CARMIL1: variants seen among roughly 807,000 people sequenced by gnomAD.
The protein encoded by CARMIL1 is F-actin-uncapping protein LRRC16A.
In CARMIL1, 90 loss-of-function variants were observed where a neutral mutation model predicts 177.1. That is an observed-to-expected ratio of 0.51 (90% confidence interval 0.43 to 0.61). The LOEUF is 0.61. Among genes scored for constraint, CARMIL1 ranks in the 20% least tolerant of loss-of-function variants. The pLI is 0.00. For missense variants in CARMIL1, 1,380 were observed against 1,667.0 expected, an observed-to-expected ratio of 0.83 and a Z score of 3.00; for synonymous variants, 577 against 606.2, an observed-to-expected ratio of 0.95 and a Z score of 0.71.
At chr6:25,292,266 T>C (rs140914249) in intron 2 of CARMIL1, among the ~76,000 whole-genome samples, 28 of 152,310 alleles carry the variant, frequency 1.8e-4, no homozygotes, top group African/African-American at 6.5e-4. Context: ...GTTCTGTGCA[T>C]AGGTGATTTT....
intron 2 of CARMIL1, among the ~76,000 whole-genome samples, chr6:25,333,192 G>A (rs1785872647): frequency 6.6e-6 from 1 of 152,190 alleles, no homozygotes; most frequent in Non-Finnish European, 1.5e-5. Context: ...AAGGTGTTAA[G>A]TGAGTAAAAC....
chr6:25,559,006 T>G (rs1810880061), intron 29 of CARMIL1, among the ~76,000 whole-genome samples: 1 of 152,188 alleles, frequency 6.6e-6, no homozygotes, highest in Non-Finnish European at 1.5e-5. Flanking sequence ...AAAAGCATAT[T>G]TTTGTGTGTG....
chr6:25,584,026 CTTT>C (rs71544648), intron 31 of CARMIL1, among the ~76,000 whole-genome samples: 2 of 119,112 alleles, frequency 1.7e-5, no homozygotes, highest in Non-Finnish European at 3.5e-5. Flanking sequence ...TTTTCTTTTT[CTTT>C]TTTTTTTTTT....
At chr6:25,480,500 T>G (rs1270125631) in intron 11 of CARMIL1, among the ~76,000 whole-genome samples, 1 of 151,606 alleles carries the variant, frequency 6.6e-6, no homozygotes, top group African/African-American at 2.4e-5. Context: ...TAGCATATCT[T>G]TTTTCGCTTT....
chr6:25,389,466 G>T (rs921236276), intron 2 of CARMIL1, among the ~76,000 whole-genome samples: 2 of 152,046 alleles, frequency 1.3e-5, no homozygotes, highest in African/African-American at 4.8e-5. Flanking sequence ...CAGGCATGTG[G>T]CATAGTCAAA....
chr6:25,573,614 C>A (rs188309871), intron 29 of CARMIL1, among the ~76,000 whole-genome samples: 94 of 136,318 alleles, frequency 6.9e-4, no homozygotes, highest in African/African-American at 2.0e-3. Context: ...AAAAAAAATC[C>A]TTTTTTGCTT....
chr6:25,579,101 A>G lies in CARMIL1; in HGVS notation c.2743-1823A>G, dbSNP rs1367771744. Among the ~76,000 whole-genome samples, 5 of 149,632 alleles carry G rather than the reference A, an allele frequency of 3.3e-5. No homozygotes were observed. In the South Asian group the frequency reaches 6.2e-4, roughly 19 times the overall value. On this transcript the variant is annotated intron_variant, in intron 29 of 36. Coordinates refer to ENST00000329474, the MANE Select transcript of CARMIL1 (RefSeq NM_017640.6). ...TATTGTCATTTATTTTATATATAGT[A>G]CATATTTTTATATGTTTAAAATTAT...
chr6:25,291,386 C>G (rs1225724787), intron 2 of CARMIL1, among the ~76,000 whole-genome samples: 3 of 152,104 alleles, frequency 2.0e-5, no homozygotes, highest in African/African-American at 7.2e-5. Flanking sequence ...ATTTGACCCA[C>G]TTAGTCACAA....
At chr6:25,587,479 T>A (rs768789933) in intron 31 of CARMIL1, among the ~76,000 whole-genome samples, 2 of 152,184 alleles carry the variant, frequency 1.3e-5, no homozygotes, top group African/African-American at 4.8e-5. Flanking sequence ...GTCGTTGAGT[T>A]GTCATAAGAA....
chr6:25,502,664 G>T (rs372663762), intron 17 of CARMIL1, among the ~76,000 whole-genome samples: 6 of 152,096 alleles, frequency 3.9e-5, no homozygotes, highest in Admixed American at 6.5e-5. Flanking sequence ...TATCGTGACT[G>T]CCAGCAGTCT....
At chr6:25,561,148 A>G (rs1221106533) in intron 29 of CARMIL1, among the ~76,000 whole-genome samples, 1 of 152,186 alleles carries the variant, frequency 6.6e-6, no homozygotes, top group Non-Finnish European at 1.5e-5. Context: ...CTCTTAGGAA[A>G]TCAGTATTCT....
At position 25,606,093 on chromosome 6, in the gene CARMIL1, C is replaced by T. The variant is rs745708354; in HGVS notation, c.3667C>T (p.Arg1223Cys). ...PKLHPGLPEN[R>C]FGLGTPEKNT... Reference sequence around the variant, plus strand: ...ACTGCACCCAGGTCTTCCAGAGAACCGCTTTGGTTTGGGAACACCAGAAAA... The same window carrying T: ...ACTGCACCCAGGTCTTCCAGAGAACTGCTTTGGTTTGGGAACACCAGAAAA... Residue 1223 changes from arginine (R) to cysteine (C), a missense_variant, in exon 35 of 37, where the codon CGC (arginine) becomes TGC (cysteine). Coordinates refer to ENST00000329474, the MANE Select transcript of CARMIL1 (RefSeq NM_017640.6). 4.3e-6 allele frequency: 7 copies of T among 1,613,684 alleles called. No homozygotes were observed. In the African/African-American group the frequency reaches 5.3e-5, roughly 12 times the overall value.
chr6:25,388,686 A>G (rs1018887962), intron 2 of CARMIL1, among the ~76,000 whole-genome samples: 7 of 151,086 alleles, frequency 4.6e-5, no homozygotes, highest in Non-Finnish European at 7.4e-5. Context: ...ATTTTATTTT[A>G]AGAGACAGGG....
intron 8 of CARMIL1, chr6:25,451,986 G>GACCCCC: frequency 8.9e-6 from 1 of 112,672 alleles, no homozygotes; most frequent in Non-Finnish European, 1.7e-5. Flanking sequence ...CTAGCATCTT[G>GACCCCC]CCCCCCCCTC....
intron 8 of CARMIL1, among the ~76,000 whole-genome samples, chr6:25,453,293 G>A (rs993199976): frequency 4.0e-5 from 6 of 151,172 alleles, no homozygotes; most frequent in African/African-American, 1.5e-4. Context: ...ATATCTTGAA[G>A]TGACCAGATT....
intron 2 of CARMIL1, among the ~76,000 whole-genome samples, chr6:25,349,706 G>A (rs1408016450): frequency 3.4e-5 from 5 of 149,076 alleles, no homozygotes; most frequent in Non-Finnish European, 7.4e-5. Flanking sequence ...ATACTGCCCT[G>A]ATCTAAACCA....
At chr6:25,563,558 T>TTGA in intron 29 of CARMIL1, 3 of 985,412 alleles carry the variant, frequency 3.0e-6, no homozygotes, top group Non-Finnish European at 3.6e-6. Flanking sequence ...GAGGAGGCAG[T>TTGA]TGTACTTGAT....
At chr6:25,572,652 A>C (rs1812192346) in intron 29 of CARMIL1, among the ~76,000 whole-genome samples, 1 of 150,356 alleles carries the variant, frequency 6.7e-6, no homozygotes, top group Non-Finnish European at 1.5e-5. Context: ...ACAATGAGCC[A>C]AGATTGAGCC....
intron 23 of CARMIL1, among the ~76,000 whole-genome samples, chr6:25,521,707 T>G (rs1004371879): frequency 6.7e-6 from 1 of 149,360 alleles, no homozygotes; most frequent in Non-Finnish European, 1.5e-5. Flanking sequence ...AGACGGAGCT[T>G]GCAGTGAGCT....
Sources: allele counts gnomAD v4.1 joint callset (sites outside exome capture counted in the v4.1 genomes callset), GRCh38; gene constraint gnomAD v4.1.1; transcripts MANE v1.5; gene names NCBI Gene and HGNC (gene_info 2026-07-23, HGNC 2026-07-21).